Variants in PRKN observed in about 807,000 individuals in gnomAD.
PRKN encodes the protein E3 ubiquitin-protein ligase parkin.
In PRKN, 56 loss-of-function variants were observed where a neutral mutation model predicts 59.5. The observed-to-expected ratio is 0.94, with a 90% CI of 0.76 to 1.18. The LOEUF (loss-of-function observed/expected upper bound fraction) is 1.18. PRKN is among the 50% of genes most tolerant of loss of function. The pLI is 0.00. For missense variants in PRKN, 657 were observed against 596.4 expected (o/e 1.10, Z -1.06); for synonymous variants, 250 against 222.1 (o/e 1.13, Z -1.12).
intron 1 of PRKN, among the ~76,000 whole-genome samples, chr6:162,565,735 T>G (rs1295226683): frequency 7.3e-6 from 1 of 136,058 alleles, no homozygotes; most frequent in Non-Finnish European, 1.6e-5. Context: ...CATACATACA[T>G]ACATATAATG....
At chr6:162,273,154 T>C (rs1330170420) in intron 2 of PRKN, among the ~76,000 whole-genome samples, 1 of 151,866 alleles carries the variant, frequency 6.6e-6, no homozygotes, top group African/African-American at 2.4e-5. Flanking sequence ...GAAAATTAAG[T>C]ACATACAAAA....
intron 6 of PRKN, among the ~76,000 whole-genome samples, chr6:161,959,414 A>T (rs1625313): frequency 0.24 from 36,950 of 152,120 alleles, 4,610 homozygotes; most frequent in East Asian, 0.27. Flanking sequence ...AAGTCCGCCC[A>T]TAACAGTCTC....
intron 2 of PRKN, among the ~76,000 whole-genome samples, chr6:162,314,041 C>T (rs1353553840): frequency 1.3e-5 from 2 of 152,110 alleles, no homozygotes; most frequent in African/African-American, 4.8e-5. Flanking sequence ...AGGTAGCAAA[C>T]AGTCATATCG....
At chr6:162,345,946 G>C (rs894947371) in intron 2 of PRKN, among the ~76,000 whole-genome samples, 1 of 152,130 alleles carries the variant, frequency 6.6e-6, no homozygotes, top group Admixed American at 6.5e-5. Flanking sequence ...AAGGCCATCA[G>C]AGTGGGGCCC....
chr6:161,783,341 T>C (rs1790286978), intron 7 of PRKN, among the ~76,000 whole-genome samples: 1 of 151,762 alleles, frequency 6.6e-6, no homozygotes, highest in South Asian at 2.1e-4. Context: ...ATGGTGACAA[T>C]GAGCATTCCA....
chr6:161,486,020 T>C (rs559769052), intron 9 of PRKN, among the ~76,000 whole-genome samples: 1 of 152,244 alleles, frequency 6.6e-6, no homozygotes, highest in Non-Finnish European at 1.5e-5. Context: ...AGAAGAGATG[T>C]TTACTTTTTA....
intron 4 of PRKN, among the ~76,000 whole-genome samples, chr6:162,112,624 T>G (rs1780488357): frequency 6.6e-6 from 1 of 152,054 alleles, no homozygotes; most frequent in Admixed American, 6.6e-5. Context: ...ACACTTTAGA[T>G]AATGTCCTAG....
chr6:162,590,862 T>G (rs1203721867), intron 1 of PRKN, among the ~76,000 whole-genome samples: 2 of 152,142 alleles, frequency 1.3e-5, no homozygotes, highest in African/African-American at 4.8e-5. Flanking sequence ...AACAGCCTCA[T>G]GATGATCATT....
At position 161,671,906 on chromosome 6, in the gene PRKN, T is replaced by C. The variant is rs192888681; in HGVS notation, c.872-102490A>G. The stretch of plus-strand genomic sequence containing the variant: ...CACATTTTTTGGTCTCAGTCAGATT[T>C]AGTACAGACTAATATAAAGTTCTGC... On this transcript the variant is annotated intron_variant, in intron 7 of 11. Coordinates refer to ENST00000366898, the MANE Select transcript of PRKN (RefSeq NM_004562.3). Among the ~76,000 whole-genome samples, 332 of 152,304 alleles carry C rather than the reference T, an allele frequency of 2.2e-3. 1 individual carries two copies. The highest frequency in any genetic ancestry group is 6.8e-3 in the Middle Eastern group (2 of 294).
chr6:162,210,071 G>A (rs1785136599), intron 3 of PRKN, among the ~76,000 whole-genome samples: 1 of 139,664 alleles, frequency 7.2e-6, no homozygotes, highest in South Asian at 2.4e-4. Flanking sequence ...CTGGTATGTT[G>A]TGCACATGCA....
intron 1 of PRKN, among the ~76,000 whole-genome samples, chr6:162,601,302 G>C (rs564979723): frequency 2.3e-4 from 35 of 152,302 alleles, no homozygotes; most frequent in Non-Finnish European, 5.0e-4. Context: ...TGGGGATTTG[G>C]TTTCCAAAAC....
intron 6 of PRKN, among the ~76,000 whole-genome samples, chr6:161,836,362 C>G (rs1583226776): frequency 6.6e-6 from 1 of 152,302 alleles, no homozygotes; most frequent in East Asian, 1.9e-4. Flanking sequence ...TCCAAGATCC[C>G]TGGCTCTGGA....
intron 1 of PRKN, among the ~76,000 whole-genome samples, chr6:162,702,213 G>A (rs1778183308): frequency 6.6e-6 from 1 of 152,134 alleles, no homozygotes; most frequent in East Asian, 1.9e-4. Flanking sequence ...AAACTTGGCA[G>A]GATGTTGAAA....
At position 161,634,039 on chromosome 6, in the gene PRKN, T is replaced by C. The variant is rs796421293; in HGVS notation, c.872-64623A>G. Among the ~76,000 whole-genome samples the C allele has an allele frequency of 2.1e-4, 20 of 95,878 alleles. 1 individual carries two copies. Among genetic ancestry groups the C allele is most frequent in the African/African-American group, 5.0e-4 (12 of 24,128 alleles). The allele number at this position is 95,878 out of a possible 152,430, so 62.9% of individuals were successfully genotyped here. ...ACACACACACACACACACACACACA[T>C]CCCCCACCCCCTAAAACCCAAGCAA... On this transcript the variant is annotated intron_variant, in intron 7 of 11. Transcript: ENST00000366898.
Position 161,385,179 on chromosome 6 carries a change from C to T in PRKN, c.1167+1615G>A, listed in dbSNP as rs1583003130. Among the ~76,000 whole-genome samples, 1 of 150,446 alleles carries T rather than the reference C, an allele frequency of 6.6e-6. No individual in the cohort carries two copies. The highest frequency in any genetic ancestry group is 6.6e-5 in the Admixed American group (1 of 15,106). ...TCTTGACCTCATGATCCGCCCACCTCGGCCTCCCAAAGTGCTGGGATTACA... is the reference window on the plus strand; with the variant it reads ...TCTTGACCTCATGATCCGCCCACCTTGGCCTCCCAAAGTGCTGGGATTACA... On this transcript the variant is annotated intron_variant, in intron 10 of 11. Transcript: ENST00000366898. This position sits in a 1 kb window ranked among gnomAD's most constrained non-coding sequence, Gnocchi z 4.9.
At chr6:161,717,517 C>A (rs139204298) in intron 7 of PRKN, among the ~76,000 whole-genome samples, 6 of 152,080 alleles carry the variant, frequency 3.9e-5, no homozygotes, top group Non-Finnish European at 7.4e-5. Flanking sequence ...GGTCTGTCTA[C>A]GAGACTGTGG....
chr6:161,775,804 T>G (rs1480562907), intron 7 of PRKN, among the ~76,000 whole-genome samples: 1 of 152,192 alleles, frequency 6.6e-6, no homozygotes, highest in Non-Finnish European at 1.5e-5. Flanking sequence ...ATCGAGAATA[T>G]CTCTGTATCT....
At chr6:161,719,078 G>A (rs1020873518) in intron 7 of PRKN, among the ~76,000 whole-genome samples, 19 of 152,018 alleles carry the variant, frequency 1.2e-4, no homozygotes, top group Non-Finnish European at 2.6e-4. Context: ...GTTCCTTGAA[G>A]AAAAACTAGA....
intron 1 of PRKN, among the ~76,000 whole-genome samples, chr6:162,577,142 A>G (rs2128210259): frequency 6.6e-6 from 1 of 152,312 alleles, no homozygotes; most frequent in Non-Finnish European, 1.5e-5. Flanking sequence ...AAAGAGAGTT[A>G]TATCTTCAAT....
Sources: gnomAD v4.1 joint callset for allele counts (sites outside exome capture counted in the v4.1 genomes callset) on GRCh38, gnomAD v4.1.1 for gene constraint, Gnocchi (gnomAD v3.1) non-coding constraint, MANE v1.5 for transcripts, NCBI Gene and HGNC (gene_info 2026-07-23, HGNC 2026-07-21) for gene names.